CSRNP2: variants seen among roughly 807,000 people sequenced by gnomAD.
CSRNP2 encodes cysteine and serine rich nuclear protein 2, also known as cysteine/serine-rich nuclear protein 2.
A neutral mutation model predicts 36.6 loss-of-function variants in CSRNP2; 11 were observed. That is an observed-to-expected ratio of 0.30 (90% CI 0.19 to 0.50). The LOEUF is 0.50. Among genes scored for constraint, CSRNP2 ranks in the 20% least tolerant of loss-of-function variants. The pLI is 0.98. For synonymous variants in CSRNP2, 248 were observed against 275.3 expected (o/e 0.90, Z 0.98); for missense variants, 483 against 691.4 (o/e 0.70, Z 3.38).
chr12:51,080,139 G>A (rs7397636), intron 1 of CSRNP2, among the ~76,000 whole-genome samples: 1 of 1,728 alleles, frequency 5.8e-4, no homozygotes, highest in Non-Finnish European at 9.8e-3. Flanking sequence ...CAGGCAGGCA[G>A]GCAGGCAGGC....
intron 1 of CSRNP2, among the ~76,000 whole-genome samples, chr12:51,078,576 C>T (rs1435276716): frequency 6.6e-6 from 1 of 152,020 alleles, no homozygotes; most frequent in Non-Finnish European, 1.5e-5. Flanking sequence ...TTAAAGATAC[C>T]GATCAACAAG....
At position 51,067,650 on chromosome 12, in the gene CSRNP2, A is replaced by G; in HGVS notation, c.708+23T>C. 1 of 1,606,748 alleles carries G rather than the reference A, an allele frequency of 6.2e-7. No homozygotes were observed. The highest frequency in any genetic ancestry group is 1.1e-5 in the South Asian group (1 of 90,182). On this transcript the variant is annotated intron_variant, in intron 4 of 4. Transcript: ENST00000228515. The surrounding 1 kb of genome is among the most constrained non-coding windows in gnomAD (Gnocchi z 4.1). ...CCGCTGACCCTGGTGTAGATATACT[A>G]TCTCAGGCCAACTTGGACTGACCTG...
At chr12:51,080,055 A>T (rs1939566683) in intron 1 of CSRNP2, among the ~76,000 whole-genome samples, 1 of 137,174 alleles carries the variant, frequency 7.3e-6, no homozygotes, top group African/African-American at 2.7e-5. Flanking sequence ...CCTGGGCGGC[A>T]GAGTAAGACT....
Position 51,064,358 on chromosome 12 carries a change from T to A in CSRNP2, c.1020A>T (p.Glu340Asp), listed in dbSNP as rs529009046. ...GGCTGGCACTAGAGCCGCTGGAATCTTCTTCTGCCTTGAGCCGCTCCAGTT... is the reference window on the plus strand; with the variant it reads ...GGCTGGCACTAGAGCCGCTGGAATCATCTTCTGCCTTGAGCCGCTCCAGTT... ...AEELERLKAE[E>D]DSSGSSASLD... Residue 340 changes from glutamate to aspartate, a missense_variant, in exon 5 of 5, where the codon GAA becomes GAT. Physicochemically the swap from Glu to Asp is conservative, Grantham distance 45. This residue lies in a region of CSRNP2 where 277 missense variants were observed against 323.6 expected (regional missense o/e 0.86). Transcript: ENST00000228515. 3.7e-6 allele frequency: 6 copies of A among 1,614,148 alleles called. No homozygotes were observed. Among genetic ancestry groups the A allele is most frequent in the Middle Eastern group, 3.3e-4 (2 of 6,062 alleles).
chr12:51,076,505 G>T lies in CSRNP2; in HGVS notation c.57C>A (p.Gly19=). 6.2e-7 allele frequency: 1 copy of T among 1,614,028 alleles called. No individual in the cohort carries two copies. The highest frequency in any genetic ancestry group is 8.5e-7 in the Non-Finnish European group (1 of 1,180,000). The change falls in exon 2 of 5, where the codon GGC becomes GGA. Residue 19 remains glycine (G), a synonymous_variant. Coordinates refer to ENST00000228515, the MANE Select transcript of CSRNP2 (RefSeq NM_030809.3). The part of the protein sequence containing the change: ...LKRKFDDVDV[G]SSVSNSDDEI... ...CATCATCTGAGTTGGAAACTGATGA[G>T]CCCACATCCACATCATCAAACTTCC...
intron 2 of CSRNP2, among the ~76,000 whole-genome samples, chr12:51,075,811 G>A (rs28722847): frequency 6.6e-6 from 1 of 152,172 alleles, no homozygotes; most frequent in Non-Finnish European, 1.5e-5. Flanking sequence ...CACTTTGGGA[G>A]GCCGAGGCGG....
Position 51,063,112 on chromosome 12 carries a change from G to C in CSRNP2, c.*634C>G, listed in dbSNP as rs951333157. The C allele has an allele frequency of 6.6e-6, 1 of 152,182 alleles. No individual in the cohort carries two copies. Among genetic ancestry groups the C allele is most frequent in the South Asian group, 2.1e-4 (1 of 4,832 alleles). 9.4% of individuals were successfully genotyped at this position (152,182 alleles called of 1,614,324 possible). A position where few individuals can be genotyped will look rare whatever the true frequency, so the allele number is the denominator to read the frequency against. The stretch of plus-strand genomic sequence containing the variant: ...TGTGGAAGAAACAATTCAAGTTACA[G>C]ACCAGGAATCCCCAGTGTGGGGAAC... On this transcript the variant is annotated 3_prime_UTR_variant, in exon 5 of 5. Coordinates refer to ENST00000228515, the MANE Select transcript of CSRNP2 (RefSeq NM_030809.3).
chr12:51,064,632 T>C lies in CSRNP2; in HGVS notation c.746A>G (p.Asp249Gly), dbSNP rs767016607. The C allele has an allele frequency of 6.5e-7, 1 of 1,533,462 alleles. No individual in the cohort carries two copies. The highest frequency in any genetic ancestry group is 8.8e-7 in the Non-Finnish European group (1 of 1,138,410). The allele number at this position is 1,533,462 out of a possible 1,614,324, so 95.0% of individuals were successfully genotyped here. A position where few individuals can be genotyped will look rare whatever the true frequency, so the allele number is the denominator to read the frequency against. Reference protein sequence around the residue: ...RMSFPCGCSRDGCGNMAGRIE... With the variant: ...RMSFPCGCSRGGCGNMAGRIE... ...GCGTCCTGCCATGTTCCCACAGCCA[T>C]CCCGGGAGCAGCCACATGGAAAGGA... The change falls in exon 5 of 5, where the codon GAT (aspartate) becomes GGT (glycine). Residue 249 changes from aspartate (D) to glycine (G), a missense_variant. Around this residue, in one of 2 missense-constraint regions of CSRNP2, gnomAD observed 206 missense variants for 367.8 expected, o/e 0.56. Coordinates refer to ENST00000228515, the MANE Select transcript of CSRNP2 (RefSeq NM_030809.3).
chr12:51,063,636 TA>T lies in CSRNP2; in HGVS notation c.*109del. The T allele has an allele frequency of 1.1e-6, 1 of 879,556 alleles. No homozygotes were observed. Among genetic ancestry groups the T allele is most frequent in the Non-Finnish European group, 1.7e-6 (1 of 597,980 alleles). The allele number at this position is 879,556 out of a possible 1,614,324, so 54.5% of individuals were successfully genotyped here. A position where few individuals can be genotyped will look rare whatever the true frequency, so the allele number is the denominator to read the frequency against. On this transcript the variant is annotated 3_prime_UTR_variant, in exon 5 of 5. Coordinates refer to ENST00000228515, the MANE Select transcript of CSRNP2 (RefSeq NM_030809.3). ...CCCACCCATTCCCCAAAGACCCCAA[TA>T]AAATAACATGGGAGCAGCAGCTGCT... is the stretch of plus-strand genomic sequence containing the variant.
intron 3 of CSRNP2, among the ~76,000 whole-genome samples, chr12:51,070,168 C>A (rs535427902): frequency 1.4e-4 from 22 of 152,250 alleles, no homozygotes; most frequent in Admixed American, 1.2e-3. Flanking sequence ...ATGAAAGCCA[C>A]GTGACTGGAG....
Position 51,074,144 on chromosome 12 carries a change from G to C in CSRNP2, c.152-62C>G, listed in dbSNP as rs954814735. Reference sequence around the variant, plus strand: ...TTCTATTTATTTATTTAGAGATGGAGTCTCGCTCTGTTGCCCAGGCTGGAG... The same window carrying C: ...TTCTATTTATTTATTTAGAGATGGACTCTCGCTCTGTTGCCCAGGCTGGAG... On this transcript the variant is annotated intron_variant, in intron 2 of 4. Coordinates refer to ENST00000228515, the MANE Select transcript of CSRNP2 (RefSeq NM_030809.3). The C allele has an allele frequency of 1.6e-5, 25 of 1,517,598 alleles. No individual in the cohort carries two copies. In the East Asian group the frequency reaches 3.2e-4, roughly 19 times the overall value. 94.0% of individuals were successfully genotyped at this position (1,517,598 alleles called of 1,614,324 possible). A position where few individuals can be genotyped will look rare whatever the true frequency, so the allele number is the denominator to read the frequency against.
At chr12:51,064,742 G>A in intron 4 of CSRNP2, 73 bp from the exon 5 acceptor site, 1 of 1,311,482 alleles carries the variant, frequency 7.6e-7, no homozygotes, top group Non-Finnish European at 1.0e-6. Context: ...GACATGAGCT[G>A]GCAAACAGGC....
intron 3 of CSRNP2, among the ~76,000 whole-genome samples, chr12:51,072,635 CTCT>C (rs879554665): frequency 0.61 from 69,437 of 113,438 alleles, 17,368 homozygotes; most frequent in Non-Finnish European, 0.68. Context: ...TTTTCCCAGC[CTCT>C]CTCTCTCGAA....
intron 1 of CSRNP2, among the ~76,000 whole-genome samples, chr12:51,081,830 AAACAAACAAC>A (rs2136938234): frequency 6.8e-6 from 1 of 146,568 alleles, no homozygotes; most frequent in Non-Finnish European, 1.5e-5. Flanking sequence ...ACAAACAAAC[AAACAAACAAC>A]AACAACAACA....
intron 4 of CSRNP2, among the ~76,000 whole-genome samples, chr12:51,065,969 T>G (rs1161557071): frequency 6.6e-6 from 1 of 152,222 alleles, no homozygotes; most frequent in Non-Finnish European, 1.5e-5. Flanking sequence ...AATTTCATTC[T>G]TAGGGATGGT....
At chr12:51,083,086 G>A (rs1318876167) in intron 1 of CSRNP2, 3 of 152,276 alleles carry the variant, frequency 2.0e-5, no homozygotes, top group Non-Finnish European at 4.4e-5. Context: ...CCGCCCATCG[G>A]TCTCCCGCGA....
chr12:51,066,389 G>T (rs1938301707), intron 4 of CSRNP2, among the ~76,000 whole-genome samples: 1 of 150,416 alleles, frequency 6.6e-6, no homozygotes, highest in Non-Finnish European at 1.5e-5. Context: ...GGAGGCAGAG[G>T]TTGCAGCGAG....
chr12:51,079,275 G>T (rs535370825), intron 1 of CSRNP2, among the ~76,000 whole-genome samples: 1 of 151,742 alleles, frequency 6.6e-6, no homozygotes, highest in African/African-American at 2.4e-5. Flanking sequence ...ACAAGTTAAC[G>T]GGTGCAGCAC....
rs562441682 is a variant in CSRNP2 at position 51,061,296 on chromosome 12, T to C, written c.*2450A>G. 3.3e-5 allele frequency: 5 copies of C among 152,762 alleles called. No homozygotes were observed. In the East Asian group the frequency reaches 9.6e-4, roughly 29 times the overall value. 9.5% of individuals were successfully genotyped at this position (152,762 alleles called of 1,614,324 possible). On this transcript the variant is annotated 3_prime_UTR_variant, in exon 5 of 5. Coordinates refer to ENST00000228515, the MANE Select transcript of CSRNP2 (RefSeq NM_030809.3). ...AAAGAACCTAAAGGGGAAAAAATTA[T>C]TTTCAGAGAACCAGACAAGCTTTGG...
Sources: allele counts gnomAD v4.1 joint callset (sites outside exome capture counted in the v4.1 genomes callset), GRCh38; gene constraint gnomAD v4.1.1; regional missense constraint gnomAD v4.1.1; non-coding constraint Gnocchi (gnomAD v3.1); transcripts MANE v1.5; gene names NCBI Gene and HGNC (gene_info 2026-07-23, HGNC 2026-07-21).